The following CLEC4A variants were observed in gnomAD, a reference collection of about 807,000 sequenced individuals.
CLEC4A encodes the protein C-type (calcium dependent, carbohydrate-recognition domain) lectin, superfamily member 6.
In CLEC4A, 27 loss-of-function variants were observed where a neutral mutation model predicts 32.7. That is an observed-to-expected ratio of 0.83 (90% CI 0.61 to 1.14). The LOEUF (loss-of-function observed/expected upper bound fraction) is 1.14, where lower values mean the gene tolerates loss of function less well. Ranked by LOEUF, CLEC4A falls within the 50% of genes most tolerant of loss-of-function variation. The probability of loss-of-function intolerance (pLI) is 0.00; values close to 1 mark genes in which losing one functional copy is unlikely to be tolerated. For missense variants in CLEC4A, 253 were observed against 274.6 expected (o/e 0.92, Z 0.55); for synonymous variants, 89 against 93.7 (o/e 0.95, Z 0.29).
At chr12:8,114,712 C>G in the CLEC4A span, among the ~76,000 whole-genome samples, 2 of 152,152 alleles carry the variant, frequency 1.3e-5, no homozygotes, top group African/African-American at 4.8e-5. Flanking sequence ...ATATGGAAGT[C>G]TCAATTCCAG....
the CLEC4A span, among the ~76,000 whole-genome samples, chr12:8,115,033 A>G: frequency 3.3e-5 from 5 of 152,154 alleles, no homozygotes; most frequent in African/African-American, 9.7e-5. Flanking sequence ...TTAGGCTCCA[A>G]TCTGCATGGA....
chr12:8,133,879 A>G, intron 3 of CLEC4A: 9 of 1,584,806 alleles, frequency 5.7e-6, no homozygotes, highest in Admixed American at 1.8e-5. Context: ...GAGGGCTCCC[A>G]TAGCCTGGGG....
chr12:8,111,936 T>G, the CLEC4A span, among the ~76,000 whole-genome samples: 168 of 79,298 alleles, frequency 2.1e-3, 4 homozygotes, highest in South Asian at 0.03. Flanking sequence ...TGTGTGTGTG[T>G]GTGTGTGTGT....
the CLEC4A span, among the ~76,000 whole-genome samples, chr12:8,113,842 G>A: frequency 6.6e-6 from 1 of 152,192 alleles, no homozygotes; most frequent in African/African-American, 2.4e-5. Flanking sequence ...CTGGAGCTCT[G>A]AGGAGCTGTG....
the CLEC4A span, among the ~76,000 whole-genome samples, chr12:8,103,376 GTTTTTTTTTTTTT>G: frequency 1.4e-4 from 8 of 56,504 alleles, no homozygotes; most frequent in Admixed American, 1.4e-3. Flanking sequence ...TCTTTCTGTT[GTTTTTTTTTTTTT>G]TTTTTTTTTT....
intron 2 of CLEC4A, among the ~76,000 whole-genome samples, chr12:8,126,397 T>A (rs1947903029): frequency 6.6e-6 from 1 of 151,380 alleles, no homozygotes; most frequent in Non-Finnish European, 1.5e-5. Flanking sequence ...TTTTTGTATT[T>A]TTAGTAGAGA....
rs751639808 is a variant in CLEC4A, at chr12:8,138,281, C to T, written c.708C>T (p.His236=). Residue 236 remains histidine (H), a synonymous_variant, in exon 6 of 6, where the codon CAC becomes CAT. Coordinates refer to ENST00000229332, the MANE Select transcript of CLEC4A (RefSeq NM_016184.4). ...QRSVCEMMKI[H]L ...CAGTTTGTGAGATGATGAAGATCCA[C>T]TTATGAACTGAACATTCTCCATGAA... The T allele has an allele frequency of 6.2e-7, 1 of 1,614,076 alleles. No homozygotes were observed. Among genetic ancestry groups the T allele is most frequent in the Non-Finnish European group, 8.5e-7 (1 of 1,180,000 alleles).
the CLEC4A span, among the ~76,000 whole-genome samples, chr12:8,104,885 T>C: frequency 6.6e-6 from 1 of 152,226 alleles, no homozygotes; most frequent in Non-Finnish European, 1.5e-5. Context: ...TCTATCTATG[T>C]TGCTGCCAAG....
chr12:8,114,780 C>G, the CLEC4A span, among the ~76,000 whole-genome samples: 1 of 152,134 alleles, frequency 6.6e-6, no homozygotes, highest in African/African-American at 2.4e-5. Context: ...GTATTTAAAT[C>G]CAAACCCTTA....
At chr12:8,105,334 T>C in the CLEC4A span, among the ~76,000 whole-genome samples, 1 of 151,912 alleles carries the variant, frequency 6.6e-6, no homozygotes, top group Non-Finnish European at 1.5e-5. Flanking sequence ...TTAGTGATGT[T>C]GAGCAATTTT....
chr12:8,110,968 G>C, the CLEC4A span, among the ~76,000 whole-genome samples: 1 of 151,770 alleles, frequency 6.6e-6, no homozygotes, highest in Non-Finnish European at 1.5e-5. Context: ...CCGTCTCCCA[G>C]GTTCACACCA....
At chr12:8,113,906 C>T in the CLEC4A span, among the ~76,000 whole-genome samples, 3 of 152,184 alleles carry the variant, frequency 2.0e-5, no homozygotes, top group African/African-American at 7.2e-5. Flanking sequence ...GACAATTTAT[C>T]CACTAGCTTC....
chr12:8,103,742 C>T, the CLEC4A span, among the ~76,000 whole-genome samples: 1 of 152,244 alleles, frequency 6.6e-6, no homozygotes, highest in South Asian at 2.1e-4. Flanking sequence ...AAAATTTTTT[C>T]TGCCTAGAAT....
In CLEC4A at chr12:8,129,321, A is replaced by T; in HGVS notation, c.257A>T (p.His86Leu). Residue 86 changes from histidine (H) to leucine (L), a missense_variant, in exon 3 of 6, where the codon CAT (histidine) becomes CTT (leucine). Transcript: ENST00000229332. ...AAAAAGACTACAAAAGAGCTGGTTC[A>T]TACAACATTGGAGTGTGTGAAAAAA... is the stretch of plus-strand genomic sequence containing the variant. ...LEKKTTKELV[H>L]TTLECVKKNM... The T allele has an allele frequency of 6.2e-7, 1 of 1,608,618 alleles. No individual in the cohort carries two copies. Among genetic ancestry groups the T allele is most frequent in the Non-Finnish European group, 8.5e-7 (1 of 1,178,608 alleles).
At chr12:8,136,282 T>C (rs893443890) in intron 4 of CLEC4A, among the ~76,000 whole-genome samples, 5 of 152,206 alleles carry the variant, frequency 3.3e-5, no homozygotes, top group Non-Finnish European at 7.4e-5. Flanking sequence ...GCTTCCATAC[T>C]GGCTGGGCAT....
chr12:8,134,979 G>GTTT lies in CLEC4A; in HGVS notation c.299-602_299-600dup, dbSNP rs1591611840. On this transcript the variant is annotated intron_variant, in intron 3 of 5. Coordinates refer to ENST00000229332, the MANE Select transcript of CLEC4A (RefSeq NM_016184.4). ...TGTATCTTCTTGTTGAAGCGTTTTT[G>GTTT]TTTTTTGTTTTTTTTTAATCATGGC... is the stretch of plus-strand genomic sequence containing the variant. The GTTT allele has an allele frequency of 5.3e-3, 876 of 165,758 alleles. 123 individuals are homozygous for GTTT. The East Asian group carries it at 0.063, about 12-fold the overall frequency. 10.3% of individuals were successfully genotyped at this position (165,758 alleles called of 1,614,324 possible).
intron 3 of CLEC4A, chr12:8,134,077 C>G: frequency 1.3e-6 from 2 of 1,589,530 alleles, no homozygotes; most frequent in South Asian, 1.1e-5. Context: ...TGTGGCTGAT[C>G]TGCTGCAGTG....
In CLEC4A at chr12:8,123,886, C is replaced by T. The variant is rs773649897; in HGVS notation, c.8C>T (p.Ser3Leu). 9 of 1,609,898 alleles carry T rather than the reference C, an allele frequency of 5.6e-6. No homozygotes were observed. In the East Asian group the frequency reaches 6.7e-5, roughly 12 times the overall value. MT[S>L]EITYAEVRFK... ...AGAAGCTCTCTTCCCATTATGACTT[C>T]GGAAATCACTTATGCTGAAGTGAGG... Residue 3 changes from serine to leucine, a missense_variant, in exon 1 of 6, where the codon TCG (serine) becomes TTG (leucine). By Grantham distance (145) the Ser-to-Leu change is moderately radical (BLOSUM62 -2). Coordinates refer to ENST00000229332, the MANE Select transcript of CLEC4A (RefSeq NM_016184.4).
chr12:8,105,717 C>T, the CLEC4A span, among the ~76,000 whole-genome samples: 1 of 152,090 alleles, frequency 6.6e-6, no homozygotes, highest in Non-Finnish European at 1.5e-5. Flanking sequence ...TGTTCTTGTC[C>T]TTTGCCCACT....
Sources: allele counts gnomAD v4.1 joint callset (sites outside exome capture counted in the v4.1 genomes callset), GRCh38; gene constraint gnomAD v4.1.1; transcripts MANE v1.5; gene names NCBI Gene and HGNC (gene_info 2026-07-23, HGNC 2026-07-21).